The following CD244 variants were observed in gnomAD, a reference collection of about 807,000 sequenced individuals.
CD244 encodes the protein CD244 molecule, also known as natural killer cell receptor 2B4.
A neutral mutation model predicts 45.5 loss-of-function variants in CD244; 20 were observed. That is an observed-to-expected ratio of 0.44 (90% CI 0.31 to 0.64). The LOEUF (loss-of-function observed/expected upper bound fraction) is 0.64, where lower values mean the gene tolerates loss of function less well. Among genes scored for constraint, CD244 ranks in the 30% least tolerant of loss-of-function variants. The probability of loss-of-function intolerance (pLI) is 0.08; values close to 1 mark genes in which losing one functional copy is unlikely to be tolerated. For missense variants in CD244, 407 were observed against 426.9 expected (o/e 0.95, Z 0.41); for synonymous variants, 185 against 160.5 (o/e 1.15, Z -1.15).
intron 3 of CD244, 48 bp downstream of exon 3, chr1:160,841,162 G>A (rs370100118): frequency 4.4e-5 from 69 of 1,581,188 alleles, no homozygotes; most frequent in Middle Eastern, 3.6e-4. Flanking sequence ...GCCTGGTTGC[G>A]GGGTCCAAAC....
intron 1 of CD244, among the ~76,000 whole-genome samples, chr1:160,848,872 A>G (rs970046379): frequency 1.3e-5 from 2 of 151,858 alleles, no homozygotes; most frequent in African/African-American, 4.9e-5. Context: ...CTTATAATAG[A>G]CCAGCAAACA....
At chr1:160,838,426 G>C in intron 5 of CD244, 25 bp downstream of exon 5, 1 of 1,570,184 alleles carries the variant, frequency 6.4e-7, no homozygotes, top group Non-Finnish European at 8.8e-7. Context: ...AGCTGAGAGA[G>C]ACCCCAGCCT....
chr1:160,834,086 A>G lies in CD244; in HGVS notation c.925T>C (p.Tyr309His). ...GGCTGAATTAATGAATATAATGTAT[A>G]TGCAGGTTCTTGTGACGTGGGAGCA... is the stretch of plus-strand genomic sequence containing the variant. ...SSAPTSQEPA[Y>H]TLYSLIQPSR... Residue 309 changes from tyrosine (Y) to histidine (H), a missense_variant, in exon 7 of 9, where the codon TAT becomes CAT. Physicochemically the swap from Tyr to His is moderately conservative, Grantham distance 83. Coordinates refer to ENST00000368034, the MANE Select transcript of CD244 (RefSeq NM_016382.4). The G allele has an allele frequency of 6.2e-7, 1 of 1,612,274 alleles. No individual in the cohort carries two copies. The highest frequency in any genetic ancestry group is 8.5e-7 in the Non-Finnish European group (1 of 1,178,286).
chr1:160,855,934 A>G (rs1271549807), intron 1 of CD244, among the ~76,000 whole-genome samples: 1 of 152,216 alleles, frequency 6.6e-6, no homozygotes, highest in Admixed American at 6.5e-5. Flanking sequence ...GCTCTGAGTC[A>G]GCTCAGCTTC....
chr1:160,844,263 C>G (rs1005646033), intron 1 of CD244, among the ~76,000 whole-genome samples: 1 of 152,166 alleles, frequency 6.6e-6, no homozygotes, highest in South Asian at 2.1e-4. Flanking sequence ...AGAATAGAGA[C>G]AACAGAAACC....
intron 1 of CD244, among the ~76,000 whole-genome samples, chr1:160,861,196 C>T (rs1170103269): frequency 6.6e-6 from 1 of 152,182 alleles, no homozygotes; most frequent in Non-Finnish European, 1.5e-5. Flanking sequence ...GAATCCTGGG[C>T]CACTAGGCCC....
At chr1:160,844,363 T>A (rs1669653125) in intron 1 of CD244, among the ~76,000 whole-genome samples, 2 of 152,154 alleles carry the variant, frequency 1.3e-5, no homozygotes, top group Admixed American at 1.3e-4. Context: ...AACATAAGTT[T>A]AAGAATTTCA....
intron 4 of CD244, 62 bp downstream of exon 4, chr1:160,838,876 AG>A: frequency 9.2e-7 from 1 of 1,090,816 alleles, no homozygotes; most frequent in South Asian, 1.4e-5. Context: ...CACTGGACGC[AG>A]GACAAAGTCA....
chr1:160,846,348 T>C (rs929202800), intron 1 of CD244, among the ~76,000 whole-genome samples: 1 of 152,166 alleles, frequency 6.6e-6, no homozygotes, highest in African/African-American at 2.4e-5. Flanking sequence ...TGAAAGAAAA[T>C]AACTGCCTAT....
At chr1:160,841,998 G>A (rs1669563296) in intron 1 of CD244, 97 bp from the exon 2 acceptor site, 4 of 957,832 alleles carry the variant, frequency 4.2e-6, no homozygotes, top group East Asian at 2.5e-5. Flanking sequence ...AATTGGGTGG[G>A]GATGAGTATG....
chr1:160,844,671 C>T (rs1020835881), intron 1 of CD244, among the ~76,000 whole-genome samples: 17 of 152,156 alleles, frequency 1.1e-4, no homozygotes, highest in African/African-American at 4.1e-4. Context: ...ACAGCTAAGG[C>T]CATTCTAAAT....
At chr1:160,846,536 C>T (rs1389221696) in intron 1 of CD244, among the ~76,000 whole-genome samples, 1 of 152,000 alleles carries the variant, frequency 6.6e-6, no homozygotes, top group Non-Finnish European at 1.5e-5. Flanking sequence ...CGTGGTGGCA[C>T]GCGCCCATAA....
chr1:160,848,296 C>G, intron 1 of CD244: 1 of 591,396 alleles, frequency 1.7e-6, no homozygotes, highest in Non-Finnish European at 3.2e-6. Flanking sequence ...CAGGTCTTGG[C>G]ATCTTGTCCA....
chr1:160,841,270 G>A lies in CD244; in HGVS notation c.595C>T (p.Pro199Ser), dbSNP rs538514734. 50 of 1,614,212 alleles carry A rather than the reference G, an allele frequency of 3.1e-5. 2 individuals are homozygous for A. In the South Asian group the frequency reaches 5.4e-4, roughly 17 times the overall value. Reference sequence around the variant, plus strand: ...AGGGTGTGGCTTTCCCAGCTAACAGGATTGCTGACATTGCAGGTATATGTG... The same window carrying A: ...AGGGTGTGGCTTTCCCAGCTAACAGAATTGCTGACATTGCAGGTATATGTG... The part of the protein sequence containing the change: ...THTYTCNVSN[P>S]VSWESHTLNL... Residue 199 changes from proline (P) to serine (S), a missense_variant, in exon 3 of 9, where the codon CCT becomes TCT. Transcript: ENST00000368034.
chr1:160,832,454 T>C, intron 8 of CD244, 65 bp downstream of exon 8: 1 of 992,374 alleles, frequency 1.0e-6, no homozygotes. Context: ...AGTGTACCCT[T>C]TCATGGCTAG....
Position 160,854,084 on chromosome 1 carries a change from G to A in CD244, c.61+8533C>T, listed in dbSNP as rs1476300339. ...ACACAAAACACACGTGTGGCTTATG[G>A]GTCTGGTAAAGATGGAGCAGGTTTG... is the stretch of plus-strand genomic sequence containing the variant. On this transcript the variant is annotated intron_variant, in intron 1 of 8. Coordinates refer to ENST00000368034, the MANE Select transcript of CD244 (RefSeq NM_016382.4). 2.0e-5 allele frequency among the ~76,000 whole-genome samples: 3 copies of A among 152,270 alleles called. No homozygotes were observed. The East Asian group carries it at 5.8e-4, about 29-fold the overall frequency.
At position 160,845,569 on chromosome 1, in the gene CD244, C is replaced by T. The variant is rs114392184; in HGVS notation, c.62-3668G>A. ...AACCCCAAGCAAGATCAAAACAAAC[C>T]GACAAGCTGGGCACGGTGGCTCACG... On this transcript the variant is annotated intron_variant, in intron 1 of 8. Transcript: ENST00000368034. Among the ~76,000 whole-genome samples, 941 of 152,134 alleles carry T rather than the reference C, an allele frequency of 6.2e-3. 20 individuals are homozygous for T. The highest frequency in any genetic ancestry group is 0.022 in the African/African-American group (894 of 41,508).
chr1:160,847,710 A>G (rs2990702), intron 1 of CD244, among the ~76,000 whole-genome samples: 58,727 of 152,016 alleles, frequency 0.39, 11,824 homozygotes, highest in East Asian at 0.54. Flanking sequence ...GGAAATTTAT[A>G]GCTTTAAATT....
Position 160,831,833 on chromosome 1 carries a change from G to A in CD244, c.1018-406C>T, listed in dbSNP as rs77397861. On this transcript the variant is annotated intron_variant, in intron 8 of 8. Transcript: ENST00000368034. ...AGGTGGGGAGGCTCAGGTGTAGTAT[G>A]AGGCTAATGGGTAGTGGGGGAGGTT... Among the ~76,000 whole-genome samples, 395 of 152,314 alleles carry A rather than the reference G, an allele frequency of 2.6e-3. 2 individuals carry two copies. The highest frequency in any genetic ancestry group is 4.7e-3 in the Non-Finnish European group (321 of 68,020).
Sources: gnomAD v4.1 joint callset for allele counts (sites outside exome capture counted in the v4.1 genomes callset) on GRCh38, gnomAD v4.1.1 for gene constraint, MANE v1.5 for transcripts, NCBI Gene and HGNC (gene_info 2026-07-23, HGNC 2026-07-21) for gene names.